The following RBFOX1 variants were observed in gnomAD, a reference collection of about 807,000 sequenced individuals.
RBFOX1 encodes RNA binding protein fox-1 homolog 1.
A neutral mutation model predicts 57.7 loss-of-function variants in RBFOX1; 8 were observed. That is an observed-to-expected ratio of 0.14 (90% CI 0.08 to 0.25). The LOEUF (loss-of-function observed/expected upper bound fraction) is 0.25. Among genes scored for constraint, RBFOX1 ranks in the 10% least tolerant of loss-of-function variants. RBFOX1 has a pLI of 1.00. For missense variants in RBFOX1, 611 were observed against 548.5 expected (o/e 1.11, Z -1.14); for synonymous variants, 326 against 222.4 (o/e 1.47, Z -4.15).
intron 3 of RBFOX1, among the ~76,000 whole-genome samples, chr16:6,701,214 T>C (rs2061800018): frequency 6.6e-6 from 1 of 152,106 alleles, no homozygotes; most frequent in South Asian, 2.1e-4. Flanking sequence ...AGTCATTGGA[T>C]GCAAGTTGCC....
chr16:6,968,018 G>C (rs1176360364), intron 3 of RBFOX1, among the ~76,000 whole-genome samples: 8 of 152,154 alleles, frequency 5.3e-5, no homozygotes, highest in Admixed American at 5.2e-4. Flanking sequence ...CTCTGCTCTT[G>C]TAAGGAAGCC....
At chr16:6,082,936 G>C (rs1485193391) in intron 1 of RBFOX1, among the ~76,000 whole-genome samples, 1 of 152,128 alleles carries the variant, frequency 6.6e-6, no homozygotes, top group Non-Finnish European at 1.5e-5. Context: ...CCCAATCACT[G>C]CTCTCAAGAG....
At chr16:5,821,763 G>C (rs1258065090) in intron 3 of RBFOX1, among the ~76,000 whole-genome samples, 2 of 152,290 alleles carry the variant, frequency 1.3e-5, no homozygotes, top group African/African-American at 4.8e-5. Flanking sequence ...GGCACCAGCA[G>C]GTTCAGTGTT....
chr16:6,824,691 T>G (rs1330984377), intron 3 of RBFOX1, among the ~76,000 whole-genome samples: 1 of 152,148 alleles, frequency 6.6e-6, no homozygotes, highest in Non-Finnish European at 1.5e-5. Context: ...GAAATAATAA[T>G]GTTTTTCTTG....
At chr16:6,430,967 G>GAAAAA (rs59044318) in intron 2 of RBFOX1, among the ~76,000 whole-genome samples, 1 of 90,508 alleles carries the variant, frequency 1.1e-5, no homozygotes, top group Non-Finnish European at 2.2e-5. Flanking sequence ...CTCATCTCCA[G>GAAAAA]AAAAAAAAAA....
chr16:6,884,326 G>A (rs886592198), intron 3 of RBFOX1, among the ~76,000 whole-genome samples: 1 of 152,154 alleles, frequency 6.6e-6, no homozygotes, highest in African/African-American at 2.4e-5. Context: ...CTTAACCAGG[G>A]CTGGGGACCT....
intron 2 of RBFOX1, among the ~76,000 whole-genome samples, chr16:6,457,446 C>CCCCT (rs764092740): frequency 1.5e-5 from 2 of 131,738 alleles, no homozygotes; most frequent in Non-Finnish European, 3.3e-5. Context: ...AGTCCCCCCC[C>CCCCT]CCGCAATAGC....
chr16:6,289,542 G>T (rs112598770), intron 1 of RBFOX1, among the ~76,000 whole-genome samples: 4 of 152,200 alleles, frequency 2.6e-5, no homozygotes, highest in African/African-American at 9.6e-5. Flanking sequence ...GCTATTCATT[G>T]GTAATAGCTG....
intron 4 of RBFOX1, among the ~76,000 whole-genome samples, chr16:7,479,541 G>A (rs986789847): frequency 9.2e-5 from 14 of 152,172 alleles, no homozygotes; most frequent in African/African-American, 1.9e-4. Context: ...TCAAGAGCCT[G>A]CCTTTTCCCG....
At chr16:5,693,490 A>G (rs1171313287) in intron 3 of RBFOX1, among the ~76,000 whole-genome samples, 1 of 151,140 alleles carries the variant, frequency 6.6e-6, no homozygotes, top group South Asian at 2.1e-4. Context: ...TTTTTTTCTT[A>G]TACATAATAC....
chr16:6,970,618 C>G (rs539475446), intron 3 of RBFOX1, among the ~76,000 whole-genome samples: 59 of 152,198 alleles, frequency 3.9e-4, no homozygotes, highest in Non-Finnish European at 6.5e-4. Context: ...TCCCTCCTGC[C>G]TCTTTTGGAA....
At chr16:6,782,326 C>T (rs766954339) in intron 3 of RBFOX1, among the ~76,000 whole-genome samples, 4 of 152,142 alleles carry the variant, frequency 2.6e-5, no homozygotes, top group Non-Finnish European at 5.9e-5. Flanking sequence ...CATCTTAGTA[C>T]TGCTTTTGCT....
At chr16:5,718,470 C>T (rs1293930630) in intron 3 of RBFOX1, among the ~76,000 whole-genome samples, 1 of 152,242 alleles carries the variant, frequency 6.6e-6, no homozygotes, top group Non-Finnish European at 1.5e-5. Context: ...AACTGATAAA[C>T]TCTCTTTAGA....
At chr16:5,935,257 A>C (rs1460114334) in intron 4 of RBFOX1, among the ~76,000 whole-genome samples, 1 of 152,204 alleles carries the variant, frequency 6.6e-6, no homozygotes, top group African/African-American at 2.4e-5. Flanking sequence ...AGTATCTGCC[A>C]TTGAAAAGAT....
chr16:6,590,575 C>T (rs1251183977), intron 2 of RBFOX1, among the ~76,000 whole-genome samples: 1 of 152,144 alleles, frequency 6.6e-6, no homozygotes, highest in African/African-American at 2.4e-5. Flanking sequence ...GAGAGTTCTA[C>T]AGGATTATTT....
intron 3 of RBFOX1, among the ~76,000 whole-genome samples, chr16:5,698,689 A>G (rs1484039070): frequency 6.6e-6 from 1 of 152,222 alleles, no homozygotes. Flanking sequence ...AAAAGTTGGA[A>G]GCAACCCAAA....
intron 1 of RBFOX1, among the ~76,000 whole-genome samples, chr16:5,374,641 G>T (rs1193918312): frequency 1.3e-5 from 2 of 151,970 alleles, no homozygotes; most frequent in Non-Finnish European, 2.9e-5. Context: ...AGAGAGAGAG[G>T]GGAGTCTTTG....
chr16:6,496,837 G>T (rs1005913560), intron 2 of RBFOX1, among the ~76,000 whole-genome samples: 5 of 152,126 alleles, frequency 3.3e-5, no homozygotes, highest in Non-Finnish European at 7.3e-5. Context: ...GCGGGTGCCT[G>T]TAATCCCAGC....
intron 4 of RBFOX1, among the ~76,000 whole-genome samples, chr16:7,463,621 G>T (rs982933434): frequency 1.3e-5 from 2 of 152,194 alleles, no homozygotes; most frequent in Non-Finnish European, 2.9e-5. Context: ...TTCACCATAT[G>T]AATTAGGGGT....
Sources: gnomAD v4.1 joint callset for allele counts (sites outside exome capture counted in the v4.1 genomes callset) on GRCh38, gnomAD v4.1.1 for gene constraint, MANE v1.5 for transcripts, NCBI Gene and HGNC (gene_info 2026-07-23, HGNC 2026-07-21) for gene names.